ATR: variants seen among roughly 807,000 people sequenced by gnomAD.
ATR encodes serine/threonine-protein kinase ATR.
In ATR, 142 loss-of-function variants were observed where a neutral mutation model predicts 305.3. The observed-to-expected ratio is 0.47, with a 90% CI of 0.41 to 0.53. The LOEUF is 0.53. Ranked by LOEUF, ATR falls within the 20% of genes least tolerant of loss-of-function variation. ATR has a pLI of 0.00. For missense variants in ATR, 2,135 were observed against 3,133.1 expected, an observed-to-expected ratio of 0.68 and a Z score of 7.60; for synonymous variants, 1,050 against 1,068.1, an observed-to-expected ratio of 0.98 and a Z score of 0.33.
At chr3:142,457,790 T>A (rs747983560) in intron 44 of ATR, 35 bp from the exon 45 acceptor site, 2 of 1,607,134 alleles carry the variant, frequency 1.2e-6, no homozygotes, top group South Asian at 1.1e-5. Flanking sequence ...AAACTAACAA[T>A]GTTAGAATTT....
chr3:142,516,660 G>A (rs1276685161), intron 24 of ATR, among the ~76,000 whole-genome samples: 2 of 152,042 alleles, frequency 1.3e-5, no homozygotes, highest in Non-Finnish European at 2.9e-5. Context: ...ACTTAGCTGT[G>A]TTCCATCCAT....
intron 46 of ATR, chr3:142,450,905 AT>A: frequency 8.0e-7 from 1 of 1,254,634 alleles, no homozygotes; most frequent in Non-Finnish European, 1.0e-6. Context: ...AATGGTGAAA[AT>A]AGCAGCTCAC....
chr3:142,453,052 A>G (rs2070827404), intron 46 of ATR, 76 bp downstream of exon 46: 1 of 1,599,508 alleles, frequency 6.3e-7, no homozygotes, highest in South Asian at 1.1e-5. Flanking sequence ...CATAGAGATG[A>G]GAACTATAGC....
chr3:142,469,687 G>T, intron 37 of ATR, 118 bp from the exon 38 acceptor site: 1 of 850,416 alleles, frequency 1.2e-6, no homozygotes, highest in South Asian at 1.6e-5. Context: ...TTATTCCCAT[G>T]CCCAAGGTTA....
intron 27 of ATR, among the ~76,000 whole-genome samples, chr3:142,511,481 C>G (rs1053160503): frequency 2.0e-5 from 3 of 151,722 alleles, no homozygotes; most frequent in African/African-American, 7.3e-5. Flanking sequence ...CATGGTGAAA[C>G]CCCGTCTCTA....
intron 7 of ATR, 72 bp from the exon 8 acceptor site, chr3:142,558,848 A>G: frequency 7.1e-7 from 1 of 1,414,680 alleles, no homozygotes; most frequent in Non-Finnish European, 9.8e-7. Flanking sequence ...AAAAATAAAG[A>G]CATTTGAAAT....
intron 23 of ATR, 119 bp downstream of exon 23, chr3:142,522,605 AACTT>A: frequency 1.2e-6 from 1 of 847,408 alleles, no homozygotes. Flanking sequence ...GTTTATCATG[AACTT>A]GTATAACTTT....
At chr3:142,467,491 G>A (rs1353651134) in intron 39 of ATR, among the ~76,000 whole-genome samples, 1 of 152,102 alleles carries the variant, frequency 6.6e-6, no homozygotes, top group Non-Finnish European at 1.5e-5. Flanking sequence ...TGTACTAAAA[G>A]AATGAAAAGC....
intron 33 of ATR, 117 bp downstream of exon 33, chr3:142,496,896 T>C: frequency 4.0e-6 from 5 of 1,251,362 alleles, no homozygotes; most frequent in Non-Finnish European, 5.6e-6. Context: ...CCCTGATCAT[T>C]AAAAATAGAA....
At chr3:142,525,421 T>C (rs1189011973) in intron 21 of ATR, among the ~76,000 whole-genome samples, 1 of 152,028 alleles carries the variant, frequency 6.6e-6, no homozygotes, top group Non-Finnish European at 1.5e-5. Context: ...ATAAACCTCC[T>C]ACAGTTAAAA....
At chr3:142,540,470 T>C (rs1234199382) in intron 18 of ATR, among the ~76,000 whole-genome samples, 1 of 152,170 alleles carries the variant, frequency 6.6e-6, no homozygotes, top group Non-Finnish European at 1.5e-5. Context: ...GAGTTTTAGA[T>C]TAGATATTTC....
At chr3:142,491,848 T>C (rs2031296550) in intron 35 of ATR, among the ~76,000 whole-genome samples, 1 of 152,238 alleles carries the variant, frequency 6.6e-6, no homozygotes, top group Non-Finnish European at 1.5e-5. Flanking sequence ...CTTCTCATCA[T>C]GCTCTTATTT....
Position 142,536,161 on chromosome 3 carries a change from GT to G in ATR, c.3765del (p.Leu1255PhefsTer7). On this transcript the variant is annotated frameshift_variant, in exon 20 of 47. Coordinates refer to ENST00000350721, the MANE Select transcript of ATR (RefSeq NM_001184.4). LOFTEE classifies it high-confidence loss of function. ...VQDFLHEIYFLPDHPELKKIK... is the reference protein window; with the variant it reads ...VQDFLHEIYFXPDHPELKKIK... ...ATCTTTTTTAATTCTGGATGATCAG[GT>G]AAAAAATATATTTCATGAAGAAAAT... 1 of 1,591,758 alleles carries G rather than the reference GT, an allele frequency of 6.3e-7. No homozygotes were observed. Among genetic ancestry groups the G allele is most frequent in the Non-Finnish European group, 8.6e-7 (1 of 1,160,222 alleles).
intron 35 of ATR, among the ~76,000 whole-genome samples, chr3:142,491,852 C>T (rs569205774): frequency 5.3e-5 from 8 of 152,192 alleles, no homozygotes; most frequent in African/African-American, 1.7e-4. Context: ...TCATCATGCT[C>T]TTATTTTTGT....
At chr3:142,508,305 T>C (rs1160890680) in intron 27 of ATR, among the ~76,000 whole-genome samples, 196 bp from the exon 28 acceptor site, 3 of 152,148 alleles carry the variant, frequency 2.0e-5, no homozygotes, top group Non-Finnish European at 4.4e-5. Context: ...TAACTTACCT[T>C]TCTTTGGACA....
intron 30 of ATR, among the ~76,000 whole-genome samples, chr3:142,500,827 C>A (rs1046430490): frequency 6.6e-6 from 1 of 151,988 alleles, no homozygotes; most frequent in South Asian, 2.1e-4. Context: ...CCATCAGACA[C>A]CAAAATATAA....
At chr3:142,509,407 T>C (rs2032429125) in intron 27 of ATR, among the ~76,000 whole-genome samples, 1 of 152,040 alleles carries the variant, frequency 6.6e-6, no homozygotes, top group African/African-American at 2.4e-5. Context: ...CAAGTGATCC[T>C]CCTGCCTCGG....
At chr3:142,450,435 G>A (rs750492416) in intron 46 of ATR, 13 of 1,597,292 alleles carry the variant, frequency 8.1e-6, no homozygotes, top group Non-Finnish European at 9.4e-6. Context: ...TTAGCTCATT[G>A]AGACTACATC....
At chr3:142,504,285 C>A (rs1169598759) in intron 29 of ATR, among the ~76,000 whole-genome samples, 1 of 152,118 alleles carries the variant, frequency 6.6e-6, no homozygotes, top group African/African-American at 2.4e-5. Context: ...GAAAATGTTT[C>A]TCAGGCTATG....
Sources: gnomAD v4.1 joint callset for allele counts (sites outside exome capture counted in the v4.1 genomes callset) on GRCh38, gnomAD v4.1.1 for gene constraint, MANE v1.5 for transcripts, NCBI Gene and HGNC (gene_info 2026-07-23, HGNC 2026-07-21) for gene names.